Variants in KRT75 observed in about 807,000 individuals in gnomAD.
KRT75 encodes the protein keratin 75, also known as keratin, type II cytoskeletal 75.
Under a neutral mutation model 48.8 loss-of-function variants are expected in KRT75, and 35 were observed. The ratio of observed to expected loss-of-function variants is 0.72; its 90% confidence interval spans 0.55 to 0.95. The LOEUF (loss-of-function observed/expected upper bound fraction) is 0.95. Among genes scored for constraint, KRT75 ranks in the 40% least tolerant of loss-of-function variants. KRT75 has a pLI of 0.00. For synonymous variants in KRT75, 301 were observed against 282.3 expected (o/e 1.07, Z -0.66); for missense variants, 776 against 709.9 (o/e 1.09, Z -1.06).
intron 4 of KRT75, among the ~76,000 whole-genome samples, 157 bp from the exon 5 acceptor site, chr12:52,430,862 G>A (rs551283838): frequency 7.9e-5 from 12 of 152,324 alleles, no homozygotes; most frequent in Admixed American, 2.6e-4. Flanking sequence ...CAAAAGATCA[G>A]TGTGGTGAAA....
At chr12:52,433,704 C>T in intron 1 of KRT75, 103 bp downstream of exon 1, 2 of 1,566,506 alleles carry the variant, frequency 1.3e-6, no homozygotes, top group Non-Finnish European at 1.7e-6. Flanking sequence ...AGTGCTCATT[C>T]CCACAGTGGG....
chr12:52,432,350 G>A lies in KRT75; in HGVS notation c.714-284C>T, dbSNP rs78957285. Among the ~76,000 whole-genome samples the A allele has an allele frequency of 1.9e-4, 29 of 152,320 alleles. No homozygotes were observed. In the East Asian group the frequency reaches 4.6e-3, roughly 24 times the overall value. Reference sequence around the variant, plus strand: ...CTCCATCTTTTGATAGATATGCAATGCTAATCTAAAATGTTTTTCCACCTC... The same window carrying A: ...CTCCATCTTTTGATAGATATGCAATACTAATCTAAAATGTTTTTCCACCTC... On this transcript the variant is annotated intron_variant, in intron 2 of 8. Coordinates refer to ENST00000252245, the MANE Select transcript of KRT75 (RefSeq NM_004693.3).
Position 52,434,246 on chromosome 12 carries a change from G to A in KRT75, c.59C>T (p.Thr20Ile). The A allele has an allele frequency of 3.1e-6, 5 of 1,590,496 alleles. No individual in the cohort carries two copies. The highest frequency in any genetic ancestry group is 4.3e-6 in the Non-Finnish European group (5 of 1,169,622). Residue 20 changes from threonine to isoleucine, a missense_variant, in exon 1 of 9, where the codon ACC becomes ATC. Transcript: ENST00000252245. ...GCCAGCTGCCGGGGTGATGGCCGAG[G>A]TGGTGCTGAAGCCCCTGCGGCTGCC... Reference protein sequence around the residue: ...QSGSRRGFSTTSAITPAAGRS... With the variant: ...QSGSRRGFSTISAITPAAGRS...
chr12:52,428,583 C>T, intron 6 of KRT75, 35 bp downstream of exon 6: 1 of 1,614,136 alleles, frequency 6.2e-7, no homozygotes, highest in Non-Finnish European at 8.5e-7. Flanking sequence ...AAGAAATGAG[C>T]ATTTGAGGAG....
chr12:52,427,995 C>T (rs919432977), intron 7 of KRT75, among the ~76,000 whole-genome samples: 3 of 152,158 alleles, frequency 2.0e-5, no homozygotes, highest in Admixed American at 6.5e-5. Context: ...GCCATGTAAC[C>T]AAATGTCTCC....
At position 52,424,086 on chromosome 12, in the gene KRT75, T is replaced by G; in HGVS notation, c.*431A>C. On this transcript the variant is annotated 3_prime_UTR_variant, in exon 9 of 9. Coordinates refer to ENST00000252245, the MANE Select transcript of KRT75 (RefSeq NM_004693.3). The stretch of plus-strand genomic sequence containing the variant: ...GACACCAAACAGGTGACACATGCAT[T>G]TAATAGACACATTCCAGGGAGGGAA... The G allele has an allele frequency of 7.0e-6, 2 of 287,228 alleles. No homozygotes were observed. Among genetic ancestry groups the G allele is most frequent in the Non-Finnish European group, 6.9e-6 (1 of 145,964 alleles). 17.8% of individuals were successfully genotyped at this position (287,228 alleles called of 1,614,324 possible).
chr12:52,429,507 A>AT (rs1384239654), intron 5 of KRT75, among the ~76,000 whole-genome samples: 1 of 152,136 alleles, frequency 6.6e-6, no homozygotes, highest in African/African-American at 2.4e-5. Flanking sequence ...ACAAAAGGAG[A>AT]TCCCCTGCCA....
chr12:52,432,567 A>G (rs968126062), intron 2 of KRT75, among the ~76,000 whole-genome samples: 1 of 152,170 alleles, frequency 6.6e-6, no homozygotes, highest in African/African-American at 2.4e-5. Flanking sequence ...TTTCCACTGG[A>G]TACCTCACCT....
chr12:52,433,946 C>T lies in KRT75; in HGVS notation c.359G>A (p.Gly120Asp), dbSNP rs1340735333. The stretch of plus-strand genomic sequence containing the variant: ...CTGGTTGACAGTGACCTCTTGGATG[C>T]CTCCAGGGGGACACACGGGGAAGCT... ...GPSFPVCPPG[G>D]IQEVTVNQSL... Residue 120 changes from glycine (G) to aspartate (D), a missense_variant, in exon 1 of 9, where the codon GGC becomes GAC. Physicochemically the swap from Gly to Asp is moderately conservative, Grantham distance 94. Coordinates refer to ENST00000252245, the MANE Select transcript of KRT75 (RefSeq NM_004693.3). The T allele has an allele frequency of 6.8e-6, 11 of 1,614,062 alleles. No individual in the cohort carries two copies. Among genetic ancestry groups the T allele is most frequent in the Non-Finnish European group, 8.5e-6 (10 of 1,180,034 alleles).
In KRT75 at chr12:52,430,581, T is replaced by C. The variant is rs754803065; in HGVS notation, c.995A>G (p.Asn332Ser). ...GGACTCAGCCTCGGCCCGGCTGCGG[T>C]TGGCAATGTCCTCGTATTGTGCTTT... The part of the protein sequence containing the change: ...EVKAQYEDIA[N>S]RSRAEAESWY... Residue 332 changes from asparagine (N) to serine (S), a missense_variant, in exon 5 of 9, where the codon AAC (asparagine) becomes AGC (serine). Physicochemically the swap from Asn to Ser is conservative, Grantham distance 46. Coordinates refer to ENST00000252245, the MANE Select transcript of KRT75 (RefSeq NM_004693.3). 6 of 1,614,012 alleles carry C rather than the reference T, an allele frequency of 3.7e-6. No homozygotes were observed. In the African/African-American group the frequency reaches 6.7e-5, roughly 18 times the overall value.
chr12:52,428,542 AG>A, intron 6 of KRT75, 66 bp from the exon 7 acceptor site: 1 of 1,613,250 alleles, frequency 6.2e-7, no homozygotes, highest in Admixed American at 1.7e-5. Context: ...CTTCTTGGGG[AG>A]GAGTTCTTAA....
intron 2 of KRT75, 129 bp from the exon 3 acceptor site, chr12:52,432,195 G>A: frequency 2.4e-6 from 2 of 826,980 alleles, no homozygotes; most frequent in Non-Finnish European, 4.0e-6. Flanking sequence ...ATGACTTTGG[G>A]TGATTCATTT....
At chr12:52,430,462 C>T (rs1940128832) in intron 5 of KRT75, 79 bp downstream of exon 5, 2 of 1,442,802 alleles carry the variant, frequency 1.4e-6, no homozygotes, top group African/African-American at 2.8e-5. Flanking sequence ...CACACGTTTC[C>T]TGAGGCTGAG....
chr12:52,430,829 T>C (rs899473371), intron 4 of KRT75, 124 bp from the exon 5 acceptor site: 3 of 1,060,064 alleles, frequency 2.8e-6, no homozygotes, highest in Admixed American at 1.8e-5. Flanking sequence ...TCCCAGCTAT[T>C]CCCTAGGTAT....
chr12:52,427,616 C>T (rs976432293), intron 7 of KRT75, among the ~76,000 whole-genome samples: 4 of 152,216 alleles, frequency 2.6e-5, no homozygotes, highest in Admixed American at 1.3e-4. Context: ...TAACATTTAT[C>T]GAACACGCTG....
Position 52,428,243 on chromosome 12 carries a change from G to A in KRT75, c.1382+13C>T. The A allele has an allele frequency of 1.9e-6, 3 of 1,613,446 alleles. No homozygotes were observed. The highest frequency in any genetic ancestry group is 1.1e-5 in the South Asian group (1 of 91,054). ...AACTTGCTTTGAGGATGAAGTTGGT[G>A]CATCTGCCTCACCTGCACTCCTCGC... On this transcript the variant is annotated intron_variant, in intron 7 of 8. Coordinates refer to ENST00000252245, the MANE Select transcript of KRT75 (RefSeq NM_004693.3).
In KRT75 at chr12:52,424,238, G is replaced by A; in HGVS notation, c.*279C>T. 2.0e-6 allele frequency: 1 copy of A among 503,828 alleles called. No homozygotes were observed. Among genetic ancestry groups the A allele is most frequent in the Non-Finnish European group, 3.6e-6 (1 of 274,888 alleles). The allele number at this position is 503,828 out of a possible 1,614,324, so 31.2% of individuals were successfully genotyped here. ...AGGGAGGGAGGTGGAGCTGGAGGAG[G>A]ACTTTCCAGCTGCCCGGGCCTCGCA... On this transcript the variant is annotated 3_prime_UTR_variant, in exon 9 of 9. Transcript: ENST00000252245.
chr12:52,432,165 G>T, intron 2 of KRT75, 99 bp from the exon 3 acceptor site: 1 of 1,160,338 alleles, frequency 8.6e-7, no homozygotes, highest in Non-Finnish European at 1.3e-6. Flanking sequence ...ATCATTTCCA[G>T]CTCTTCTGCT....
At chr12:52,426,238 G>C (rs939250575) in intron 8 of KRT75, among the ~76,000 whole-genome samples, 1 of 152,172 alleles carries the variant, frequency 6.6e-6, no homozygotes, top group African/African-American at 2.4e-5. Context: ...TACCTCTCCT[G>C]TTTTAGAGCT....
Sources: allele counts gnomAD v4.1 joint callset (sites outside exome capture counted in the v4.1 genomes callset), GRCh38; gene constraint gnomAD v4.1.1; transcripts MANE v1.5; gene names NCBI Gene and HGNC (gene_info 2026-07-23, HGNC 2026-07-21).